The following ARHGAP26 variants were observed in gnomAD, a reference collection of about 807,000 sequenced individuals.
ARHGAP26 encodes the protein Rho GTPase activating protein 26.
Under a neutral mutation model 104.8 loss-of-function variants are expected in ARHGAP26, and 38 were observed. The ratio of observed to expected loss-of-function variants is 0.36; its 90% confidence interval spans 0.28 to 0.48. ARHGAP26 has a LOEUF of 0.48. Ranked by LOEUF, ARHGAP26 falls within the 20% of genes least tolerant of loss-of-function variation. The probability of loss-of-function intolerance (pLI) is 0.99; values close to 1 mark genes in which losing one functional copy is unlikely to be tolerated. For synonymous variants in ARHGAP26, 341 were observed against 340.0 expected, an observed-to-expected ratio of 1.00 and a Z score of -0.03; for missense variants, 704 against 947.9, an observed-to-expected ratio of 0.74 and a Z score of 3.38.
intron 10 of ARHGAP26, among the ~76,000 whole-genome samples, chr5:142,915,320 A>G (rs997968901): frequency 1.3e-5 from 2 of 149,860 alleles, no homozygotes; most frequent in African/African-American, 4.9e-5. Context: ...GAGAGATTTC[A>G]GTCATGGTTC....
At chr5:142,800,685 T>A (rs1003663386) in intron 1 of ARHGAP26, among the ~76,000 whole-genome samples, 1 of 152,126 alleles carries the variant, frequency 6.6e-6, no homozygotes, top group African/African-American at 2.4e-5. Context: ...TCTAATTCCA[T>A]TATTTGTGCT....
intron 11 of ARHGAP26, among the ~76,000 whole-genome samples, chr5:142,936,146 C>CAT (rs1255246557): frequency 2.5e-4 from 37 of 148,860 alleles, no homozygotes; most frequent in Non-Finnish European, 5.1e-4. Context: ...CACACACACA[C>CAT]CCCTTCTATA....
In ARHGAP26 at chr5:143,226,055, C is replaced by G. The variant is rs2151442488; in HGVS notation, c.*3609C>G. 1 of 212,516 alleles carries G rather than the reference C, an allele frequency of 4.7e-6. No homozygotes were observed. Among genetic ancestry groups the G allele is most frequent in the East Asian group, 7.0e-5 (1 of 14,200 alleles). 13.2% of individuals were successfully genotyped at this position (212,516 alleles called of 1,614,324 possible). ...AGAGTGGAAGACCATGGCCCAGGAT[C>G]CCTGAGCTTTCCCAGTAGCCTCCAG... On this transcript the variant is annotated 3_prime_UTR_variant, in exon 23 of 23. Transcript: ENST00000645722.
At chr5:142,875,433 A>C (rs1293821952) in intron 3 of ARHGAP26, among the ~76,000 whole-genome samples, 4 of 152,154 alleles carry the variant, frequency 2.6e-5, no homozygotes, top group Admixed American at 2.0e-4. Context: ...TGTATGACTT[A>C]AGGGTGGATC....
chr5:143,176,958 T>C (rs1290607378), intron 20 of ARHGAP26, among the ~76,000 whole-genome samples: 1 of 152,214 alleles, frequency 6.6e-6, no homozygotes, highest in Non-Finnish European at 1.5e-5. Flanking sequence ...AGCAAAGCTG[T>C]GAGTGACATC....
At chr5:142,889,677 ATT>A (rs1758215539) in intron 5 of ARHGAP26, among the ~76,000 whole-genome samples, 1 of 152,106 alleles carries the variant, frequency 6.6e-6, no homozygotes, top group Non-Finnish European at 1.5e-5. Context: ...CTGGTAACCT[ATT>A]TAAAATAACA....
chr5:142,843,512 C>A (rs551119803), intron 1 of ARHGAP26, among the ~76,000 whole-genome samples: 18 of 152,242 alleles, frequency 1.2e-4, no homozygotes, highest in South Asian at 2.1e-4. Flanking sequence ...GGCAAACCCA[C>A]GTGCTTTGCA....
intron 22 of ARHGAP26, among the ~76,000 whole-genome samples, chr5:143,220,115 C>T (rs1810940696): frequency 6.6e-6 from 1 of 152,254 alleles, no homozygotes. Context: ...GGACTCAGTG[C>T]ATCCAGTAGA....
intron 11 of ARHGAP26, among the ~76,000 whole-genome samples, chr5:142,962,945 C>T (rs1770506188): frequency 6.6e-6 from 1 of 151,842 alleles, no homozygotes; most frequent in South Asian, 2.1e-4. Flanking sequence ...CAATCTTCTC[C>T]CTTCTCCCAC....
intron 12 of ARHGAP26, among the ~76,000 whole-genome samples, chr5:143,024,455 T>TG (rs1780757452): frequency 1.3e-5 from 2 of 152,118 alleles, no homozygotes; most frequent in Non-Finnish European, 2.9e-5. Flanking sequence ...AGCCACCCGT[T>TG]GCCATCCCAG....
chr5:142,975,532 T>C (rs1044019602), intron 11 of ARHGAP26, among the ~76,000 whole-genome samples: 2 of 152,108 alleles, frequency 1.3e-5, no homozygotes, highest in Admixed American at 6.6e-5. Flanking sequence ...CATAGTTAGC[T>C]ACTTAATAAA....
intron 14 of ARHGAP26, among the ~76,000 whole-genome samples, chr5:143,054,091 T>G (rs139503133): frequency 1.3e-5 from 2 of 152,320 alleles, no homozygotes; most frequent in African/African-American, 2.4e-5. Context: ...TTCTCGTGCC[T>G]TATCTTATTT....
intron 13 of ARHGAP26, among the ~76,000 whole-genome samples, chr5:143,040,489 G>T (rs1437978436): frequency 3.3e-5 from 5 of 152,154 alleles, no homozygotes; most frequent in African/African-American, 9.7e-5. Flanking sequence ...ACCATATACT[G>T]ATCCAGGGAC....
chr5:143,143,037 G>A (rs1363538850), intron 19 of ARHGAP26, among the ~76,000 whole-genome samples: 2 of 151,744 alleles, frequency 1.3e-5, no homozygotes, highest in Non-Finnish European at 2.9e-5. Flanking sequence ...CCTCCTTTTG[G>A]CTCTATGAGG....
At chr5:142,852,074 G>A (rs1288548762) in intron 1 of ARHGAP26, among the ~76,000 whole-genome samples, 1 of 152,186 alleles carries the variant, frequency 6.6e-6, no homozygotes, top group African/African-American at 2.4e-5. Flanking sequence ...ATAATGATAA[G>A]CACTTGTTCT....
chr5:143,176,185 T>G (rs894836508), intron 20 of ARHGAP26, among the ~76,000 whole-genome samples: 5 of 152,170 alleles, frequency 3.3e-5, no homozygotes, highest in Admixed American at 3.3e-4. Context: ...CTTTATGAGA[T>G]TTATGTCTTC....
intron 22 of ARHGAP26, among the ~76,000 whole-genome samples, chr5:143,221,923 TGGAA>T (rs35244313): frequency 0.26 from 39,239 of 150,206 alleles, 5,432 homozygotes; most frequent in South Asian, 0.36. Flanking sequence ...GGTGGATGGA[TGGAA>T]GGAAGGAAGG....
chr5:143,048,306 G>A (rs1036659208), intron 14 of ARHGAP26, among the ~76,000 whole-genome samples: 8 of 151,898 alleles, frequency 5.3e-5, no homozygotes, highest in South Asian at 2.1e-4. Flanking sequence ...TTTCACCCAC[G>A]CTGGAATGCA....
chr5:142,849,450 T>C (rs937741615), intron 1 of ARHGAP26, among the ~76,000 whole-genome samples: 1 of 152,256 alleles, frequency 6.6e-6, no homozygotes, highest in Admixed American at 6.5e-5. Context: ...GAGATTTTGC[T>C]AACATTCCTT....
Sources: allele counts gnomAD v4.1 joint callset (sites outside exome capture counted in the v4.1 genomes callset), GRCh38; gene constraint gnomAD v4.1.1; transcripts MANE v1.5; gene names NCBI Gene and HGNC (gene_info 2026-07-23, HGNC 2026-07-21).